The following DCDC2C variants were observed in gnomAD, a reference collection of about 807,000 sequenced individuals.
DCDC2C encodes doublecortin domain-containing protein 2C.
In DCDC2C, 44 loss-of-function variants were observed where a neutral mutation model predicts 45.0. The ratio of observed to expected loss-of-function variants is 0.98; its 90% CI spans 0.77 to 1.26. The LOEUF (loss-of-function observed/expected upper bound fraction) is 1.26. Among genes scored for constraint, DCDC2C ranks in the 50% most tolerant of loss-of-function variants. The probability of loss-of-function intolerance (pLI) is 0.00; values close to 1 mark genes in which losing one functional copy is unlikely to be tolerated. For missense variants in DCDC2C, 447 were observed against 468.9 expected, an observed-to-expected ratio of 0.95 and a Z score of 0.43; for synonymous variants, 187 against 178.8, an observed-to-expected ratio of 1.05 and a Z score of -0.37.
At chr2:3,812,849 T>G (rs1404444901) in intron 10 of DCDC2C, among the ~76,000 whole-genome samples, 1 of 152,108 alleles carries the variant, frequency 6.6e-6, no homozygotes, top group African/African-American at 2.4e-5. Context: ...CAGGAGTCAT[T>G]CAGGAGCAGG....
intron 8 of DCDC2C, among the ~76,000 whole-genome samples, chr2:3,772,656 AC>A (rs1205932401): frequency 6.6e-6 from 1 of 150,410 alleles, no homozygotes; most frequent in East Asian, 2.0e-4. Flanking sequence ...GTGCATTTTG[AC>A]CTGTACTTGG....
intron 2 of DCDC2C, among the ~76,000 whole-genome samples, chr2:3,713,378 G>A (rs528136342): frequency 6.6e-6 from 1 of 152,320 alleles, no homozygotes; most frequent in East Asian, 1.9e-4. Flanking sequence ...GGTTCTCCAT[G>A]ATCCATGCGA....
intron 8 of DCDC2C, among the ~76,000 whole-genome samples, chr2:3,776,195 C>G (rs1043598196): frequency 6.6e-6 from 1 of 152,196 alleles, no homozygotes; most frequent in African/African-American, 2.4e-5. Flanking sequence ...TTTAGCTTCT[C>G]TCATGCCCGA....
chr2:3,737,679 C>T (rs983770487), intron 3 of DCDC2C, among the ~76,000 whole-genome samples: 7 of 151,936 alleles, frequency 4.6e-5, no homozygotes, highest in South Asian at 2.1e-4. Flanking sequence ...CTCTGTGTCA[C>T]GGGGGAGCAG....
intron 10 of DCDC2C, among the ~76,000 whole-genome samples, chr2:3,807,698 C>G (rs1043626017): frequency 6.6e-6 from 1 of 152,042 alleles, no homozygotes; most frequent in African/African-American, 2.4e-5. Context: ...CCACCATCCC[C>G]CAAATTCTCT....
intron 10 of DCDC2C, among the ~76,000 whole-genome samples, chr2:3,819,765 AAGG>A (rs1352094535): frequency 1.3e-5 from 2 of 152,198 alleles, no homozygotes; most frequent in Admixed American, 6.5e-5. Context: ...GATAAAGAAA[AAGG>A]AGCATTAACC....
chr2:3,703,911 G>A lies in DCDC2C; in HGVS notation c.160G>A (p.Val54Met), dbSNP rs1283642163. Residue 54 changes from valine to methionine, a missense_variant, in exon 1 of 11, where the codon GTG becomes ATG. Coordinates refer to ENST00000399143, the MANE Select transcript of DCDC2C (RefSeq NM_001287444.2). The surrounding 1 kb of genome is among the most constrained non-coding windows in gnomAD (Gnocchi z 4.4). Reference protein sequence around the residue: ...EALLEQLTEQVDVPFGVRRLF... With the variant: ...EALLEQLTEQMDVPFGVRRLF... ...GCTGCTGGAGCAGCTCACGGAGCAG[G>A]TGGACGTCCCGTTCGGCGTGCGCCG... 2.2e-6 allele frequency: 3 copies of A among 1,342,326 alleles called. No individual in the cohort carries two copies. The highest frequency in any genetic ancestry group is 1.9e-6 in the Non-Finnish European group (2 of 1,042,748). 83.2% of individuals were successfully genotyped at this position (1,342,326 alleles called of 1,614,324 possible). A position where few individuals can be genotyped will look rare whatever the true frequency, so the allele number is the denominator to read the frequency against.
At chr2:3,707,608 G>A (rs1280327017) in intron 1 of DCDC2C, among the ~76,000 whole-genome samples, 3 of 152,196 alleles carry the variant, frequency 2.0e-5, no homozygotes, top group African/African-American at 7.2e-5. Flanking sequence ...AAAAAATAGA[G>A]GATTTGATTG....
At position 3,831,906 on chromosome 2, in the gene DCDC2C, G is replaced by A. The variant is rs114056928; in HGVS notation, c.1066-15248G>A. ...AAGGCTGAAAATGAAAACCATGCGC[G>A]AATGGAAGGTAGCCCTGCCTTCTTC... On this transcript the variant is annotated intron_variant, in intron 10 of 10. Coordinates refer to ENST00000399143, the MANE Select transcript of DCDC2C (RefSeq NM_001287444.2). 8.2e-3 allele frequency among the ~76,000 whole-genome samples: 1,256 copies of A among 152,338 alleles called. 17 individuals carry two copies. Among genetic ancestry groups the A allele is most frequent in the African/African-American group, 0.027 (1,112 of 41,576 alleles).
intron 2 of DCDC2C, among the ~76,000 whole-genome samples, chr2:3,716,959 C>A (rs1668366984): frequency 6.6e-6 from 1 of 152,092 alleles, no homozygotes. Flanking sequence ...AACATTTGGG[C>A]CTTGTTGGTC....
At chr2:3,785,211 C>T (rs1489521055) in intron 10 of DCDC2C, 111 bp downstream of exon 10, 1 of 751,090 alleles carries the variant, frequency 1.3e-6, no homozygotes, top group African/African-American at 1.8e-5. Flanking sequence ...AGGAATGTAA[C>T]TTTTATGCCT....
chr2:3,815,431 G>T (rs1013487613), intron 10 of DCDC2C, among the ~76,000 whole-genome samples: 1 of 152,188 alleles, frequency 6.6e-6, no homozygotes, highest in South Asian at 2.1e-4. Context: ...TGCTTATTAT[G>T]GTTTTCTTCA....
At chr2:3,807,978 C>A (rs753414319) in intron 10 of DCDC2C, among the ~76,000 whole-genome samples, 1 of 152,142 alleles carries the variant, frequency 6.6e-6, no homozygotes, top group Non-Finnish European at 1.5e-5. Context: ...ACATTTGGGT[C>A]CAACTTTTGA....
chr2:3,747,218 A>G (rs1383654004), intron 4 of DCDC2C, among the ~76,000 whole-genome samples: 1 of 152,208 alleles, frequency 6.6e-6, no homozygotes, highest in Non-Finnish European at 1.5e-5. Flanking sequence ...CCTCTGAGGC[A>G]GGAGCTTCCC....
chr2:3,745,779 C>T (rs1669343644), intron 4 of DCDC2C, among the ~76,000 whole-genome samples: 1 of 152,082 alleles, frequency 6.6e-6, no homozygotes, highest in African/African-American at 2.4e-5. Context: ...GGCACAATCA[C>T]AGCTCACTGA....
intron 1 of DCDC2C, among the ~76,000 whole-genome samples, chr2:3,707,180 G>GAACT (rs1161452061): frequency 2.6e-5 from 4 of 152,286 alleles, no homozygotes; most frequent in African/African-American, 9.6e-5. Flanking sequence ...GCTGTCTGAG[G>GAACT]AACTATTTGT....
chr2:3,807,019 C>G (rs1286498676), intron 10 of DCDC2C, among the ~76,000 whole-genome samples: 1 of 152,114 alleles, frequency 6.6e-6, no homozygotes, highest in East Asian at 1.9e-4. Context: ...CTTGCCCCAG[C>G]CAGCACCTTG....
intron 10 of DCDC2C, among the ~76,000 whole-genome samples, chr2:3,831,572 T>A (rs946093473): frequency 6.6e-6 from 1 of 152,240 alleles, no homozygotes; most frequent in Non-Finnish European, 1.5e-5. Flanking sequence ...CTTTTGTTGA[T>A]GGAAACATCA....
At chr2:3,706,418 TATAAG>T (rs1382208713) in intron 1 of DCDC2C, among the ~76,000 whole-genome samples, 8 of 152,186 alleles carry the variant, frequency 5.3e-5, no homozygotes, top group Admixed American at 1.3e-4. Flanking sequence ...AACAAAATAT[TATAAG>T]ATAATAATTA....
Sources: allele counts gnomAD v4.1 joint callset (sites outside exome capture counted in the v4.1 genomes callset), GRCh38; gene constraint gnomAD v4.1.1; non-coding constraint Gnocchi (gnomAD v3.1); transcripts MANE v1.5; gene names NCBI Gene and HGNC (gene_info 2026-07-23, HGNC 2026-07-21).